The following RRAGD variants were observed in gnomAD, a reference collection of about 807,000 sequenced individuals.
RRAGD encodes Ras related GTP binding D.
RRAGD carries 12 observed loss-of-function variants against 35.5 expected under a neutral mutation model. The ratio of observed to expected loss-of-function variants is 0.34; its 90% confidence interval spans 0.22 to 0.55. The LOEUF (loss-of-function observed/expected upper bound fraction) is 0.55. RRAGD is among the 20% of genes least tolerant of loss of function. The pLI, the probability that RRAGD is intolerant of heterozygous loss-of-function variation, is 0.91. For synonymous variants in RRAGD, 155 were observed against 178.9 expected (o/e 0.87, Z 1.07); for missense variants, 324 against 490.1 (o/e 0.66, Z 3.20).
At chr6:89,375,817 A>C (rs1447550879) in intron 5 of RRAGD, among the ~76,000 whole-genome samples, 3 of 152,236 alleles carry the variant, frequency 2.0e-5, no homozygotes, top group African/African-American at 7.2e-5. Context: ...TCCACCACAG[A>C]AAAACCAATC....
chr6:89,367,885 G>T lies in RRAGD; in HGVS notation c.*171C>A. The T allele has an allele frequency of 2.0e-6, 1 of 501,382 alleles. No homozygotes were observed. Among genetic ancestry groups the T allele is most frequent in the Non-Finnish European group, 3.3e-6 (1 of 301,072 alleles). The allele number at this position is 501,382 out of a possible 1,614,324, so 31.1% of individuals were successfully genotyped here. ...AATATACAAGTTTTTGCTTCAAAGTGCTTACTTTATTTATAAAAGAGAAGA... is the reference window on the plus strand; with the variant it reads ...AATATACAAGTTTTTGCTTCAAAGTTCTTACTTTATTTATAAAAGAGAAGA... On this transcript the variant is annotated 3_prime_UTR_variant, in exon 7 of 7. Transcript: ENST00000369415.
At chr6:89,409,454 A>G (rs914331094) in intron 1 of RRAGD, among the ~76,000 whole-genome samples, 35 of 152,232 alleles carry the variant, frequency 2.3e-4, no homozygotes, top group Non-Finnish European at 4.3e-4. Flanking sequence ...AGTGGTTCAA[A>G]GTACATCTTT....
chr6:89,388,462 A>C (rs1255939882), intron 1 of RRAGD, among the ~76,000 whole-genome samples: 1 of 152,180 alleles, frequency 6.6e-6, no homozygotes, highest in Non-Finnish European at 1.5e-5. Context: ...CCTCACCGCC[A>C]AAAATGGCTA....
chr6:89,404,677 GTAACC>G (rs1351402234), intron 1 of RRAGD, among the ~76,000 whole-genome samples: 1 of 152,144 alleles, frequency 6.6e-6, no homozygotes, highest in Non-Finnish European at 1.5e-5. Context: ...GAATTATCCA[GTAACC>G]AGCAGAGCCC....
chr6:89,367,887 T>A lies in RRAGD; in HGVS notation c.*169A>T. ...TATACAAGTTTTTGCTTCAAAGTGC[T>A]TACTTTATTTATAAAAGAGAAGATC... On this transcript the variant is annotated 3_prime_UTR_variant, in exon 7 of 7. Transcript: ENST00000369415. 1 of 511,612 alleles carries A rather than the reference T, an allele frequency of 2.0e-6. No homozygotes were observed. The highest frequency in any genetic ancestry group is 3.2e-6 in the Non-Finnish European group (1 of 308,990). 31.7% of individuals were successfully genotyped at this position (511,612 alleles called of 1,614,324 possible).
chr6:89,369,777 T>C (rs1038372412), intron 6 of RRAGD, among the ~76,000 whole-genome samples: 1 of 152,242 alleles, frequency 6.6e-6, no homozygotes, highest in Non-Finnish European at 1.5e-5. Context: ...CTTGCTGTGT[T>C]TGGAATTTTA....
intron 1 of RRAGD, among the ~76,000 whole-genome samples, chr6:89,401,259 TA>T (rs1769454171): frequency 1.4e-5 from 2 of 143,634 alleles, no homozygotes; most frequent in South Asian, 4.5e-4. Context: ...TTCCCCACAA[TA>T]TATTTTTTTT....
intron 2 of RRAGD, among the ~76,000 whole-genome samples, chr6:89,380,751 C>CA (rs1769028023): frequency 6.6e-6 from 1 of 151,680 alleles, no homozygotes; most frequent in African/African-American, 2.4e-5. Flanking sequence ...ACTAAAAATA[C>CA]AAAAAATTAG....
At chr6:89,387,675 T>A in intron 1 of RRAGD, 85 bp from the exon 2 acceptor site, 3 of 1,256,762 alleles carry the variant, frequency 2.4e-6, no homozygotes, top group Non-Finnish European at 3.3e-6. Context: ...TCAAATGTGA[T>A]TTATGATTCA....
At position 89,387,517 on chromosome 6, in the gene RRAGD, G is replaced by A; in HGVS notation, c.222C>T (p.Gly74=). ...RILLMGLRRS[G]KSSIQKVVFH... is the part of the protein sequence containing the mutation. ...AGACAACTTTCTGAATAGACGACTT[G>A]CCGCTTCTCCTCAGGCCCATGAGCA... Residue 74 remains glycine (G), a synonymous_variant, in exon 2 of 7, where the codon GGC becomes GGT. Transcript: ENST00000369415. 6.2e-7 allele frequency: 1 copy of A among 1,614,156 alleles called. No homozygotes were observed. Among genetic ancestry groups the A allele is most frequent in the Non-Finnish European group, 8.5e-7 (1 of 1,180,038 alleles).
chr6:89,388,569 G>A (rs1449703222), intron 1 of RRAGD, among the ~76,000 whole-genome samples: 1 of 152,146 alleles, frequency 6.6e-6, no homozygotes, highest in African/African-American at 2.4e-5. Flanking sequence ...GCCACATCCA[G>A]CAAGTGGCTA....
At chr6:89,396,425 A>AT (rs1769332252) in intron 1 of RRAGD, among the ~76,000 whole-genome samples, 1 of 151,780 alleles carries the variant, frequency 6.6e-6, no homozygotes, top group African/African-American at 2.4e-5. Context: ...ATTTTATTTT[A>AT]TTTATTTATT....
intron 1 of RRAGD, among the ~76,000 whole-genome samples, chr6:89,398,924 G>A (rs370958779): frequency 2.6e-5 from 4 of 152,256 alleles, no homozygotes; most frequent in African/African-American, 9.6e-5. Context: ...GGCTTAGAAA[G>A]GTCAAGTAAC....
At chr6:89,371,546 T>C (rs1768855207) in intron 6 of RRAGD, among the ~76,000 whole-genome samples, 1 of 152,152 alleles carries the variant, frequency 6.6e-6, no homozygotes, top group Non-Finnish European at 1.5e-5. Flanking sequence ...GGTTTAGCTC[T>C]AGATGGTGAA....
intron 3 of RRAGD, among the ~76,000 whole-genome samples, chr6:89,379,558 T>G (rs908261320): frequency 6.6e-6 from 1 of 152,226 alleles, no homozygotes; most frequent in Non-Finnish European, 1.5e-5. Flanking sequence ...GCTGTGCCTA[T>G]TCTCATCTGC....
chr6:89,366,182 C>G lies in RRAGD; in HGVS notation c.*1874G>C, dbSNP rs1478579565. 6.6e-6 allele frequency: 1 copy of G among 152,260 alleles called. No homozygotes were observed. The highest frequency in any genetic ancestry group is 6.6e-5 in the Admixed American group (1 of 15,262). 9.4% of individuals were successfully genotyped at this position (152,260 alleles called of 1,614,324 possible). A position where few individuals can be genotyped will look rare whatever the true frequency, so the allele number is the denominator to read the frequency against. ...AATTCAGTTACCAGCTTCAAAGAAA[C>G]AGGACTTGGGGAGAGGAAGGAGAGA... On this transcript the variant is annotated 3_prime_UTR_variant, in exon 7 of 7. Transcript: ENST00000369415.
chr6:89,378,424 T>C (rs1336574691), intron 4 of RRAGD, among the ~76,000 whole-genome samples: 2 of 152,032 alleles, frequency 1.3e-5, no homozygotes, highest in Non-Finnish European at 2.9e-5. Flanking sequence ...TAAAAATACT[T>C]TTACTGACTG....
intron 1 of RRAGD, among the ~76,000 whole-genome samples, chr6:89,399,621 T>A (rs1769413178): frequency 6.6e-6 from 1 of 151,854 alleles, no homozygotes; most frequent in Non-Finnish European, 1.5e-5. Flanking sequence ...AAAATATATA[T>A]TTTTTTTAAT....
intron 5 of RRAGD, among the ~76,000 whole-genome samples, chr6:89,373,363 G>C (rs1286315137): frequency 2.0e-5 from 3 of 152,190 alleles, no homozygotes; most frequent in African/African-American, 7.2e-5. Flanking sequence ...GCTCACGCCT[G>C]TAATCCTAGC....
Sources: allele counts gnomAD v4.1 joint callset (sites outside exome capture counted in the v4.1 genomes callset), GRCh38; gene constraint gnomAD v4.1.1; transcripts MANE v1.5; gene names NCBI Gene and HGNC (gene_info 2026-07-23, HGNC 2026-07-21).